MTAP: variants seen among roughly 807,000 people sequenced by gnomAD.
MTAP encodes S-methyl-5'-thioadenosine phosphorylase.
Under a neutral mutation model 33.6 loss-of-function variants are expected in MTAP, and 33 were observed. The ratio of observed to expected loss-of-function variants is 0.98; its 90% confidence interval spans 0.74 to 1.31. The LOEUF (loss-of-function observed/expected upper bound fraction) is 1.31. Ranked by LOEUF, MTAP falls within the 40% of genes most tolerant of loss-of-function variation. The probability of loss-of-function intolerance (pLI) is 0.00; values close to 1 mark genes in which losing one functional copy is unlikely to be tolerated. For synonymous variants in MTAP, 148 were observed against 125.7 expected (o/e 1.18, Z -1.19); for missense variants, 367 against 360.0 (o/e 1.02, Z -0.16).
chr9:21,916,067 G>A (rs1171133557), intron 1 of MTAP, among the ~76,000 whole-genome samples: 1 of 140,394 alleles, frequency 7.1e-6, no homozygotes, highest in Non-Finnish European at 1.5e-5. Context: ...AGGGAGGGAG[G>A]GAGGGAGGAA....
intron 4 of MTAP, among the ~76,000 whole-genome samples, chr9:21,832,028 T>G (rs1168828065): frequency 6.6e-6 from 1 of 152,230 alleles, no homozygotes; most frequent in Non-Finnish European, 1.5e-5. Context: ...TGTCACTTAG[T>G]GTCCTCATCT....
intron 1 of MTAP, among the ~76,000 whole-genome samples, chr9:21,899,477 AG>A (rs1818353251): frequency 6.6e-6 from 1 of 152,110 alleles, no homozygotes; most frequent in Non-Finnish European, 1.5e-5. Context: ...GAACTGCCCA[AG>A]ATTGGGTAAT....
At chr9:21,826,457 C>A (rs1824804443) in intron 4 of MTAP, among the ~76,000 whole-genome samples, 1 of 151,572 alleles carries the variant, frequency 6.6e-6, no homozygotes, top group Non-Finnish European at 1.5e-5. Context: ...CCTGTGTTTG[C>A]TATAAACTGG....
At chr9:21,813,181 C>T (rs923567339) in intron 1 of MTAP, among the ~76,000 whole-genome samples, 3 of 152,266 alleles carry the variant, frequency 2.0e-5, no homozygotes, top group Non-Finnish European at 4.4e-5. Context: ...ACATTGGCCA[C>T]ATCTTGGCCC....
chr9:21,909,931 G>A (rs1431670447), intron 1 of MTAP, among the ~76,000 whole-genome samples: 1 of 152,136 alleles, frequency 6.6e-6, no homozygotes, highest in Admixed American at 6.5e-5. Flanking sequence ...AATCCATACA[G>A]TCTGTCTTTG....
At chr9:21,900,281 A>G (rs942677293) in intron 1 of MTAP, among the ~76,000 whole-genome samples, 2 of 152,128 alleles carry the variant, frequency 1.3e-5, no homozygotes, top group African/African-American at 4.8e-5. Context: ...AAGCTATGCA[A>G]CTGACTCTAA....
rs528418713 is a variant in MTAP, at chr9:21,802,642, A to C, written c.-107A>C. The C allele has an allele frequency of 1.2e-5, 16 of 1,295,188 alleles. No homozygotes were observed. The South Asian group carries it at 1.8e-4, about 14-fold the overall frequency. The allele number at this position is 1,295,188 out of a possible 1,614,324, so 80.2% of individuals were successfully genotyped here. On this transcript the variant is annotated 5_prime_UTR_variant, in exon 1 of 8. Coordinates refer to ENST00000644715, the MANE Select transcript of MTAP (RefSeq NM_002451.4). ...GTCAAGGCCCGCCCCTGGTCTCCGC[A>C]CTGCTCACTCCCGCGCAGTGAGGTT...
At chr9:21,902,662 T>C (rs1385069033) in intron 1 of MTAP, among the ~76,000 whole-genome samples, 1 of 152,244 alleles carries the variant, frequency 6.6e-6, no homozygotes, top group Non-Finnish European at 1.5e-5. Context: ...GTTATAATCC[T>C]GCATTTATTT....
At chr9:21,906,910 G>A (rs1818486382) in intron 1 of MTAP, among the ~76,000 whole-genome samples, 1 of 152,174 alleles carries the variant, frequency 6.6e-6, no homozygotes, top group African/African-American at 2.4e-5. Context: ...ATCATCTCCT[G>A]TCAAAGAATG....
chr9:21,890,656 G>A (rs1316543507), intron 1 of MTAP, among the ~76,000 whole-genome samples: 1 of 152,070 alleles, frequency 6.6e-6, no homozygotes, highest in Non-Finnish European at 1.5e-5. Context: ...TTTACATTTT[G>A]CTGGGCTCTC....
chr9:21,917,326 T>A (rs1023622958), intron 1 of MTAP, among the ~76,000 whole-genome samples: 4 of 152,168 alleles, frequency 2.6e-5, no homozygotes, highest in African/African-American at 9.7e-5. Context: ...TTTTCAGCCA[T>A]TAGATGGCAC....
chr9:21,838,756 C>G (rs1369595504), intron 5 of MTAP, among the ~76,000 whole-genome samples: 1 of 152,200 alleles, frequency 6.6e-6, no homozygotes, highest in Non-Finnish European at 1.5e-5. Context: ...ACTAAGAAGC[C>G]TATGGCTTGG....
At chr9:21,813,051 A>G (rs1824389703) in intron 1 of MTAP, among the ~76,000 whole-genome samples, 1 of 152,242 alleles carries the variant, frequency 6.6e-6, no homozygotes, top group Non-Finnish European at 1.5e-5. Context: ...TTACTTTATA[A>G]CTAAGGCAGT....
chr9:21,827,005 G>T (rs1824830874), intron 4 of MTAP, among the ~76,000 whole-genome samples: 1 of 152,156 alleles, frequency 6.6e-6, no homozygotes. Context: ...ATCTGAGGTG[G>T]AAGAGTTTCA....
chr9:21,830,627 T>G (rs544395552), intron 4 of MTAP, among the ~76,000 whole-genome samples: 1 of 152,330 alleles, frequency 6.6e-6, no homozygotes, highest in South Asian at 2.1e-4. Context: ...TCATAAGATA[T>G]GTACTCCCAG....
intron 4 of MTAP, among the ~76,000 whole-genome samples, chr9:21,834,642 T>TGTCACCTCTCATCATGCTGACAC (rs1825057658): frequency 6.6e-6 from 1 of 152,204 alleles, no homozygotes; most frequent in East Asian, 1.9e-4. Context: ...CATGCTGACA[T>TGTCACCTCTCATCATGCTGACAC]TGACTCTTCT....
chr9:21,856,863 A>G (rs1825654741), intron 6 of MTAP, among the ~76,000 whole-genome samples: 1 of 152,192 alleles, frequency 6.6e-6, no homozygotes, highest in African/African-American at 2.4e-5. Context: ...TGCTTGTCAC[A>G]TTGGGCGAGT....
chr9:21,881,568 G>A (rs533981294), intron 1 of MTAP, among the ~76,000 whole-genome samples: 51 of 152,128 alleles, frequency 3.4e-4, no homozygotes, highest in Admixed American at 5.9e-4. Flanking sequence ...TAAAAAGTGG[G>A]CAGAAGACTT....
intron 1 of MTAP, among the ~76,000 whole-genome samples, chr9:21,918,080 G>C (rs1352011626): frequency 1.6e-5 from 2 of 124,614 alleles, no homozygotes; most frequent in East Asian, 3.2e-4. Flanking sequence ...GGCCGGGCGC[G>C]GTGGCTCCGC....
Sources: gnomAD v4.1 joint callset for allele counts (sites outside exome capture counted in the v4.1 genomes callset) on GRCh38, gnomAD v4.1.1 for gene constraint, MANE v1.5 for transcripts, NCBI Gene and HGNC (gene_info 2026-07-23, HGNC 2026-07-21) for gene names.